The following AKAP7 variants were observed in gnomAD, a reference collection of about 807,000 sequenced individuals.
The protein encoded by AKAP7 is A-kinase anchoring protein 7, also known as A kinase (PRKA) anchor protein 7.
Under a neutral mutation model 39.5 loss-of-function variants are expected in AKAP7, and 39 were observed. The ratio of observed to expected loss-of-function variants is 0.99; its 90% CI spans 0.76 to 1.29. AKAP7 has a LOEUF of 1.29. AKAP7 is among the 50% of genes most tolerant of loss of function. The pLI is 0.00. For missense variants in AKAP7, 414 were observed against 407.7 expected, an observed-to-expected ratio of 1.02 and a Z score of -0.13; for synonymous variants, 140 against 139.1, an observed-to-expected ratio of 1.01 and a Z score of -0.05.
chr6:131,232,203 A>G lies in AKAP7; in HGVS notation c.850+12395A>G, dbSNP rs1204428394. On this transcript the variant is annotated intron_variant, in intron 7 of 7. Transcript: ENST00000431975. ...AGGAGCGGTGCTAAGTTTATCTGAA[A>G]AATTAAGCATCACTACTAAAATGAT... Among the ~76,000 whole-genome samples, 3 of 152,310 alleles carry G rather than the reference A, an allele frequency of 2.0e-5. No individual in the cohort carries two copies. The East Asian group carries it at 5.8e-4, about 29-fold the overall frequency.
At chr6:131,159,007 T>G (rs187177096) in intron 2 of AKAP7, among the ~76,000 whole-genome samples, 11 of 152,342 alleles carry the variant, frequency 7.2e-5, no homozygotes, top group African/African-American at 2.6e-4. Flanking sequence ...ATGTTGTAAA[T>G]GAGTCTTACA....
At chr6:131,226,612 TC>T (rs777200788) in intron 7 of AKAP7, among the ~76,000 whole-genome samples, 8 of 152,260 alleles carry the variant, frequency 5.3e-5, no homozygotes, top group Non-Finnish European at 1.2e-4. Flanking sequence ...GCAGCTGTGT[TC>T]CATTTGTATT....
chr6:131,237,068 G>C (rs1351839242), intron 7 of AKAP7, among the ~76,000 whole-genome samples: 1 of 152,108 alleles, frequency 6.6e-6, no homozygotes, highest in Non-Finnish European at 1.5e-5. Context: ...TTATTATTTT[G>C]AGATACGGCC....
intron 6 of AKAP7, among the ~76,000 whole-genome samples, chr6:131,219,051 G>C (rs879652042): frequency 2.0e-5 from 3 of 152,038 alleles, no homozygotes; most frequent in Non-Finnish European, 2.9e-5. Flanking sequence ...GGTAGATCTT[G>C]AGGTCTGGAG....
intron 1 of AKAP7, among the ~76,000 whole-genome samples, chr6:131,141,423 T>G (rs919246814): frequency 6.6e-6 from 1 of 152,226 alleles, no homozygotes; most frequent in Non-Finnish European, 1.5e-5. Flanking sequence ...ATGCTTTGTG[T>G]AAAGCCTGCA....
chr6:131,274,512 A>G (rs1814578567), intron 7 of AKAP7, among the ~76,000 whole-genome samples: 1 of 151,740 alleles, frequency 6.6e-6, no homozygotes, highest in South Asian at 2.1e-4. Context: ...ACCTCCCTCT[A>G]TTGTTTTTAG....
At chr6:131,254,933 T>C (rs1157195898) in intron 7 of AKAP7, among the ~76,000 whole-genome samples, 1 of 152,210 alleles carries the variant, frequency 6.6e-6, no homozygotes, top group East Asian at 1.9e-4. Flanking sequence ...TAATTTCTGA[T>C]ATTACATTAA....
At chr6:131,231,787 C>G (rs1040326959) in intron 7 of AKAP7, among the ~76,000 whole-genome samples, 6 of 152,124 alleles carry the variant, frequency 3.9e-5, no homozygotes, top group Non-Finnish European at 8.8e-5. Context: ...AAAGTGGAAC[C>G]TTTGACTTGC....
intron 5 of AKAP7, among the ~76,000 whole-genome samples, chr6:131,182,798 A>AT (rs1562192201): frequency 1.3e-5 from 2 of 151,784 alleles, no homozygotes; most frequent in African/African-American, 4.8e-5. Context: ...GTTATTTTCT[A>AT]TTTTTTTGAT....
At chr6:131,192,894 CAT>C (rs1202905288) in intron 5 of AKAP7, among the ~76,000 whole-genome samples, 4 of 152,046 alleles carry the variant, frequency 2.6e-5, no homozygotes, top group Admixed American at 1.3e-4. Context: ...TCACTATTGT[CAT>C]ATAGAAATGC....
chr6:131,277,757 T>C (rs1814867020), intron 7 of AKAP7, among the ~76,000 whole-genome samples: 1 of 152,210 alleles, frequency 6.6e-6, no homozygotes, highest in African/African-American at 2.4e-5. Flanking sequence ...ATCCCTGGGC[T>C]AATGGTCATA....
At chr6:131,239,482 G>A (rs1811348318) in intron 7 of AKAP7, among the ~76,000 whole-genome samples, 2 of 152,144 alleles carry the variant, frequency 1.3e-5, no homozygotes, top group Admixed American at 6.5e-5. Flanking sequence ...AGTTCTCCTG[G>A]ATAATATCCT....
intron 4 of AKAP7, among the ~76,000 whole-genome samples, chr6:131,166,999 T>G (rs1803570196): frequency 6.6e-6 from 1 of 152,192 alleles, no homozygotes; most frequent in African/African-American, 2.4e-5. Context: ...TAAACTCGTT[T>G]GTATCCTTAC....
intron 7 of AKAP7, chr6:131,250,727 G>A (rs796764171): frequency 1.7e-5 from 19 of 1,093,410 alleles, no homozygotes; most frequent in South Asian, 1.6e-4. Context: ...AGACTAATCA[G>A]CTATGGTTTT....
intron 7 of AKAP7, among the ~76,000 whole-genome samples, chr6:131,247,940 T>A (rs1317485690): frequency 6.6e-6 from 1 of 152,190 alleles, no homozygotes; most frequent in African/African-American, 2.4e-5. Flanking sequence ...CTATTCTTAA[T>A]TGCACATTTT....
chr6:131,232,140 T>C (rs1403495856), intron 7 of AKAP7, among the ~76,000 whole-genome samples: 1 of 152,180 alleles, frequency 6.6e-6, no homozygotes, highest in Non-Finnish European at 1.5e-5. Context: ...TCAAACCTTA[T>C]GATTTATATT....
At chr6:131,192,532 G>A (rs1351725586) in intron 5 of AKAP7, among the ~76,000 whole-genome samples, 1 of 152,144 alleles carries the variant, frequency 6.6e-6, no homozygotes, top group Non-Finnish European at 1.5e-5. Flanking sequence ...GATTCCTCCA[G>A]CTTTGTTCTC....
At chr6:131,199,634 C>A in intron 6 of AKAP7, 61 bp downstream of exon 6, 1 of 1,308,912 alleles carries the variant, frequency 7.6e-7, no homozygotes, top group Non-Finnish European at 1.1e-6. Context: ...TAAGCATGGT[C>A]TGGAGCACGA....
rs556133510 is a variant in AKAP7 at position 131,145,851 on chromosome 6, G to A, written c.151+435G>A. Among the ~76,000 whole-genome samples, 186 of 152,150 alleles carry A rather than the reference G, an allele frequency of 1.2e-3. 1 individual carries two copies. Among genetic ancestry groups the A allele is most frequent in the Non-Finnish European group, 2.0e-3 (133 of 67,994 alleles). On this transcript the variant is annotated intron_variant, in intron 2 of 7. Coordinates refer to ENST00000431975, the MANE Select transcript of AKAP7 (RefSeq NM_016377.4). ...TTACAGATGTGAATGATCGTGCCGCGCCAAGTCTTGTTTTTTATTTAATAG... is the reference window on the plus strand; with the variant it reads ...TTACAGATGTGAATGATCGTGCCGCACCAAGTCTTGTTTTTTATTTAATAG...
Sources: gnomAD v4.1 joint callset for allele counts (sites outside exome capture counted in the v4.1 genomes callset) on GRCh38, gnomAD v4.1.1 for gene constraint, MANE v1.5 for transcripts, NCBI Gene and HGNC (gene_info 2026-07-23, HGNC 2026-07-21) for gene names.